Variants in MIPEP observed in about 807,000 individuals in gnomAD.
MIPEP encodes mitochondrial intermediate peptidase.
Under a neutral mutation model 90.3 loss-of-function variants are expected in MIPEP, and 79 were observed. That is an observed-to-expected ratio of 0.87 (90% confidence interval 0.73 to 1.05). The LOEUF is 1.05. Among genes scored for constraint, MIPEP ranks in the 50% least tolerant of loss-of-function variants. The pLI is 0.00. For missense variants in MIPEP, 940 were observed against 905.6 expected (o/e 1.04, Z -0.49); for synonymous variants, 334 against 315.8 (o/e 1.06, Z -0.61).
chr13:23,826,339 T>C (rs1331017738), intron 14 of MIPEP, among the ~76,000 whole-genome samples: 1 of 152,142 alleles, frequency 6.6e-6, no homozygotes, highest in Non-Finnish European at 1.5e-5. Context: ...ACCAGACTAG[T>C]ATGAAACCGC....
chr13:23,837,052 C>T (rs1869085479), intron 13 of MIPEP, among the ~76,000 whole-genome samples: 1 of 152,110 alleles, frequency 6.6e-6, no homozygotes, highest in Non-Finnish European at 1.5e-5. Flanking sequence ...TGTAATATCA[C>T]AAAATATAGC....
intron 18 of MIPEP, among the ~76,000 whole-genome samples, chr13:23,746,353 G>A (rs546224498): frequency 6.6e-6 from 1 of 151,800 alleles, no homozygotes; most frequent in South Asian, 2.1e-4. Flanking sequence ...CCATCTATAG[G>A]CAGAGTGCAG....
intron 10 of MIPEP, among the ~76,000 whole-genome samples, chr13:23,853,937 G>A (rs1303149116): frequency 6.6e-6 from 1 of 152,002 alleles, no homozygotes; most frequent in Non-Finnish European, 1.5e-5. Context: ...TGAGAAAAGA[G>A]AAAGGAAGGA....
At chr13:23,836,723 T>C (rs1450292753) in intron 13 of MIPEP, among the ~76,000 whole-genome samples, 1 of 152,256 alleles carries the variant, frequency 6.6e-6, no homozygotes. Context: ...TACCTAATAC[T>C]TTTATCCTTC....
In MIPEP at chr13:23,885,524, A is replaced by G. The variant is rs143762101; in HGVS notation, c.363+809T>C. ...ATTTTCCCTGATGTAATTACTATGCATTGCATGCCTCTATCAAAACATCTC... is the reference window on the plus strand; with the variant it reads ...ATTTTCCCTGATGTAATTACTATGCGTTGCATGCCTCTATCAAAACATCTC... On this transcript the variant is annotated intron_variant, in intron 2 of 18. Coordinates refer to ENST00000382172, the MANE Select transcript of MIPEP (RefSeq NM_005932.4). 6.7e-3 allele frequency among the ~76,000 whole-genome samples: 1,024 copies of G among 152,288 alleles called. 20 individuals carry two copies. Among genetic ancestry groups the G allele is most frequent in the Non-Finnish European group, 4.2e-3 (287 of 68,026 alleles).
At chr13:23,816,047 T>C (rs888693176) in intron 14 of MIPEP, among the ~76,000 whole-genome samples, 3 of 152,356 alleles carry the variant, frequency 2.0e-5, no homozygotes, top group South Asian at 2.1e-4. Flanking sequence ...CTGTTTGTAA[T>C]GTGTCTTTTC....
At position 23,879,296 on chromosome 13, in the gene MIPEP, G is replaced by GT. The variant is rs1312542791; in HGVS notation, c.510dup (p.Leu171ThrfsTer6). ...GTTTCTGGATCAAGGGAATCCACAA[G>GT]TTTTTTATCAGCTAGTAATTTTTGC... On this transcript the variant is annotated frameshift_variant, in exon 4 of 19. Coordinates refer to ENST00000382172, the MANE Select transcript of MIPEP (RefSeq NM_005932.4). LOFTEE classifies it high-confidence loss of function. The GT allele has an allele frequency of 3.7e-6, 6 of 1,606,274 alleles. No homozygotes were observed. Among genetic ancestry groups the GT allele is most frequent in the African/African-American group, 1.3e-5 (1 of 74,750 alleles).
intron 18 of MIPEP, among the ~76,000 whole-genome samples, chr13:23,753,251 A>AATG (rs1385917334): frequency 6.6e-6 from 1 of 151,718 alleles, no homozygotes; most frequent in African/African-American, 2.4e-5. Flanking sequence ...TAATAATAAT[A>AATG]ATAAGACAAA....
At chr13:23,839,609 G>A (rs1267896287) in intron 12 of MIPEP, 40 bp downstream of exon 12, 21 of 1,331,266 alleles carry the variant, frequency 1.6e-5, no homozygotes, top group South Asian at 3.1e-5. Flanking sequence ...ATGAAATGCC[G>A]ATCGGTTCTA....
chr13:23,754,142 C>T (rs1046720903), intron 18 of MIPEP, among the ~76,000 whole-genome samples: 1 of 152,094 alleles, frequency 6.6e-6, no homozygotes, highest in African/African-American at 2.4e-5. Flanking sequence ...TTTTACATTA[C>T]AAATCTCAGT....
chr13:23,869,568 A>G, intron 6 of MIPEP, 120 bp from the exon 7 acceptor site: 1 of 949,188 alleles, frequency 1.1e-6, no homozygotes, highest in South Asian at 2.0e-5. Flanking sequence ...AAAATAAAGC[A>G]ATGGTCTACA....
intron 14 of MIPEP, among the ~76,000 whole-genome samples, chr13:23,812,625 A>G (rs1953188029): frequency 1.3e-5 from 2 of 152,126 alleles, no homozygotes; most frequent in African/African-American, 4.8e-5. Flanking sequence ...TCCCTCGCTC[A>G]CTGCCATTAG....
rs138221226 is a variant in MIPEP at position 23,795,513 on chromosome 13, T to C, written c.1848+10437A>G. The stretch of plus-strand genomic sequence containing the variant: ...AAAATAACTAATGGGAACAATCTGA[T>C]TGACATTTTAATCTAGATGACAGAA... On this transcript the variant is annotated intron_variant, in intron 16 of 18. Coordinates refer to ENST00000382172, the MANE Select transcript of MIPEP (RefSeq NM_005932.4). Among the ~76,000 whole-genome samples the C allele has an allele frequency of 1.1e-4, 17 of 152,320 alleles. 1 individual carries two copies. The East Asian group carries it at 3.3e-3, about 29-fold the overall frequency.
intron 16 of MIPEP, among the ~76,000 whole-genome samples, chr13:23,768,066 G>A (rs1017923408): frequency 3.3e-5 from 5 of 152,182 alleles, no homozygotes; most frequent in South Asian, 2.1e-4. Flanking sequence ...GAAGCTACTC[G>A]CCCTCCTTGT....
chr13:23,882,197 G>A (rs1031889735), intron 2 of MIPEP, among the ~76,000 whole-genome samples: 26 of 151,664 alleles, frequency 1.7e-4, no homozygotes, highest in African/African-American at 4.6e-4. Context: ...AGCCTCCCAC[G>A]TAGCTGTGAC....
rs180892742 is a variant in MIPEP, at chr13:23,799,621, C to T, written c.1848+6329G>A. Among the ~76,000 whole-genome samples, 183 of 152,314 alleles carry T rather than the reference C, an allele frequency of 1.2e-3. 1 individual carries two copies. Among genetic ancestry groups the T allele is most frequent in the African/African-American group, 4.1e-3 (170 of 41,582 alleles). On this transcript the variant is annotated intron_variant, in intron 16 of 18. Coordinates refer to ENST00000382172, the MANE Select transcript of MIPEP (RefSeq NM_005932.4). ...GATTACAGGCATGAGCCACTGCGCC[C>T]GGCCTAGGATAATTTTTAACTAATG... is the stretch of plus-strand genomic sequence containing the variant.
At chr13:23,784,060 G>C (rs1483674754) in intron 16 of MIPEP, among the ~76,000 whole-genome samples, 1 of 152,054 alleles carries the variant, frequency 6.6e-6, no homozygotes, top group Non-Finnish European at 1.5e-5. Context: ...TCTATAAATA[G>C]GGTAATGCCC....
chr13:23,744,800 A>G (rs571435886), intron 18 of MIPEP, among the ~76,000 whole-genome samples: 12 of 152,346 alleles, frequency 7.9e-5, no homozygotes, highest in African/African-American at 2.2e-4. Context: ...TTTGACATGA[A>G]GGATTACTTA....
At chr13:23,799,000 G>GTTTTTTTT (rs765292524) in intron 16 of MIPEP, among the ~76,000 whole-genome samples, 13 of 88,892 alleles carry the variant, frequency 1.5e-4, no homozygotes, top group Admixed American at 3.2e-4. Context: ...AATTTTTTTG[G>GTTTTTTTT]TTTTTTTTTT....
Sources: allele counts gnomAD v4.1 joint callset (sites outside exome capture counted in the v4.1 genomes callset), GRCh38; gene constraint gnomAD v4.1.1; transcripts MANE v1.5; gene names NCBI Gene and HGNC (gene_info 2026-07-23, HGNC 2026-07-21).